Variants in HOOK1 observed in about 807,000 individuals in gnomAD.
HOOK1 encodes the protein protein Hook homolog 1.
Under a neutral mutation model 112.8 loss-of-function variants are expected in HOOK1, and 60 were observed. That is an observed-to-expected ratio of 0.53 (90% CI 0.43 to 0.66). The LOEUF is 0.66. Ranked by LOEUF, HOOK1 falls within the 30% of genes least tolerant of loss-of-function variation. The pLI is 0.00. For synonymous variants in HOOK1, 294 were observed against 283.8 expected (o/e 1.04, Z -0.36); for missense variants, 770 against 856.0 (o/e 0.90, Z 1.25).
At chr1:59,847,233 A>G in intron 10 of HOOK1, 48 bp downstream of exon 10, 4 of 1,430,416 alleles carry the variant, frequency 2.8e-6, no homozygotes, top group Non-Finnish European at 3.9e-6. Flanking sequence ...TGAGCTATTT[A>G]GTCAATTTGA....
intron 19 of HOOK1, among the ~76,000 whole-genome samples, chr1:59,867,837 G>C (rs1406980416): frequency 6.6e-6 from 1 of 151,998 alleles, no homozygotes; most frequent in Admixed American, 6.5e-5. Context: ...TCTGTGTGTT[G>C]TTCTTACTTT....
At chr1:59,835,531 T>C (rs2098396978) in intron 6 of HOOK1, 119 bp downstream of exon 6, 1 of 628,946 alleles carries the variant, frequency 1.6e-6, no homozygotes, top group African/African-American at 1.9e-5. Flanking sequence ...TACTTCCCCT[T>C]AGCTAGTGGG....
intron 12 of HOOK1, among the ~76,000 whole-genome samples, chr1:59,854,026 ATATATATATATATTTTTTTTTTTTTT>A (rs1415052038): frequency 1.9e-3 from 44 of 22,712 alleles, no homozygotes; most frequent in African/African-American, 8.7e-3. Flanking sequence ...ATATATATAT[ATATATATATATATTTTTTTTTTTTTT>A]TTTTTTTTTT....
chr1:59,848,876 T>C (rs1247522956), intron 11 of HOOK1, among the ~76,000 whole-genome samples, 197 bp from the exon 12 acceptor site: 2 of 151,648 alleles, frequency 1.3e-5, no homozygotes, highest in Non-Finnish European at 3.0e-5. Context: ...TTGGCAAAAC[T>C]ATTATTTGAA....
At chr1:59,871,211 A>T in intron 21 of HOOK1, 101 bp downstream of exon 21, 2 of 712,610 alleles carry the variant, frequency 2.8e-6, no homozygotes, top group Non-Finnish European at 4.8e-6. Flanking sequence ...CTTATACCAT[A>T]AACCAAGACA....
intron 3 of HOOK1, among the ~76,000 whole-genome samples, chr1:59,829,073 C>T (rs1035288008): frequency 6.6e-6 from 1 of 152,074 alleles, no homozygotes; most frequent in Non-Finnish European, 1.5e-5. Context: ...CTATTAATCC[C>T]TACCCCCAGC....
intron 2 of HOOK1, among the ~76,000 whole-genome samples, chr1:59,822,785 T>C (rs980478795): frequency 6.6e-6 from 1 of 152,214 alleles, no homozygotes. Flanking sequence ...ATGATTTACA[T>C]TGAAAACCCT....
At chr1:59,847,322 A>G (rs2098404585) in intron 10 of HOOK1, 137 bp downstream of exon 10, 1 of 725,778 alleles carries the variant, frequency 1.4e-6, no homozygotes, top group African/African-American at 1.8e-5. Context: ...CCAGGCTGAT[A>G]GTTTTAACTT....
chr1:59,858,724 GAA>G (rs2098411957), intron 13 of HOOK1, among the ~76,000 whole-genome samples: 1 of 145,638 alleles, frequency 6.9e-6, no homozygotes, highest in African/African-American at 2.5e-5. Context: ...GTGTGAAAGA[GAA>G]AAAGAGAGAA....
intron 8 of HOOK1, among the ~76,000 whole-genome samples, chr1:59,843,120 T>C (rs543751957): frequency 7.3e-4 from 111 of 151,960 alleles, no homozygotes; most frequent in African/African-American, 2.6e-3. Flanking sequence ...TTTTTTGAAG[T>C]TTCATTTGTG....
chr1:59,816,128 G>A (rs561568411), intron 1 of HOOK1, among the ~76,000 whole-genome samples: 2 of 152,308 alleles, frequency 1.3e-5, no homozygotes, highest in African/African-American at 2.4e-5. Flanking sequence ...GTGTGCAGAT[G>A]GAATGTAAAC....
intron 2 of HOOK1, 71 bp downstream of exon 2, chr1:59,822,014 T>C (rs1482707556): frequency 8.1e-7 from 1 of 1,233,448 alleles, no homozygotes; most frequent in Non-Finnish European, 1.2e-6. Flanking sequence ...AAACTTGGAC[T>C]TGAATTCCAA....
chr1:59,866,059 A>G lies in HOOK1; in HGVS notation c.1845+87A>G, dbSNP rs369447571. ...CACTGGATTTTTCTGCCATTCTTGT[A>G]TCTGTATCTAATCACTTCTCTCTTA... On this transcript the variant is annotated intron_variant, in intron 19 of 21. Coordinates refer to ENST00000371208, the MANE Select transcript of HOOK1 (RefSeq NM_015888.6). 7 of 727,868 alleles carry G rather than the reference A, an allele frequency of 9.6e-6. No homozygotes were observed. The East Asian group carries it at 1.1e-4, about 11-fold the overall frequency. The allele number at this position is 727,868 out of a possible 1,614,324, so 45.1% of individuals were successfully genotyped here.
chr1:59,861,074 C>T (rs2098413371), intron 15 of HOOK1, among the ~76,000 whole-genome samples: 1 of 151,972 alleles, frequency 6.6e-6, no homozygotes, highest in Non-Finnish European at 1.5e-5. Context: ...CCATGCCTGG[C>T]CAATTTTTGT....
intron 1 of HOOK1, among the ~76,000 whole-genome samples, chr1:59,816,259 T>C (rs1322575722): frequency 6.6e-6 from 1 of 152,228 alleles, no homozygotes; most frequent in African/African-American, 2.4e-5. Context: ...TAGCCATAAT[T>C]TAAAGCATTT....
intron 9 of HOOK1, among the ~76,000 whole-genome samples, chr1:59,846,162 T>G (rs1469824399): frequency 6.6e-6 from 1 of 151,866 alleles, no homozygotes; most frequent in Non-Finnish European, 1.5e-5. Context: ...TATTCTCTTC[T>G]TATCCTTAAA....
chr1:59,864,570 G>A, intron 16 of HOOK1, 62 bp from the exon 17 acceptor site: 2 of 1,019,108 alleles, frequency 2.0e-6, no homozygotes, highest in Non-Finnish European at 3.1e-6. Flanking sequence ...AGATTTCGAT[G>A]TCTGGAAAAT....
intron 9 of HOOK1, among the ~76,000 whole-genome samples, chr1:59,844,838 A>G (rs2098402813): frequency 6.6e-6 from 1 of 151,958 alleles, no homozygotes; most frequent in Admixed American, 6.6e-5. Flanking sequence ...CAAATTCAGA[A>G]TTATTGTGAA....
chr1:59,824,158 T>G (rs79498862), intron 2 of HOOK1, among the ~76,000 whole-genome samples: 451 of 152,314 alleles, frequency 3.0e-3, no homozygotes, highest in African/African-American at 0.01. Flanking sequence ...GATTAAAAGG[T>G]TAATTTTACC....
Sources: gnomAD v4.1 joint callset for allele counts (sites outside exome capture counted in the v4.1 genomes callset) on GRCh38, gnomAD v4.1.1 for gene constraint, MANE v1.5 for transcripts, NCBI Gene and HGNC (gene_info 2026-07-23, HGNC 2026-07-21) for gene names.